DCC: variants seen among roughly 807,000 people sequenced by gnomAD.
The protein encoded by DCC is DCC netrin 1 receptor.
In DCC, 58 loss-of-function variants were observed where a neutral mutation model predicts 172.5. The observed-to-expected ratio is 0.34, with a 90% CI of 0.27 to 0.42. DCC has a LOEUF of 0.42. DCC is among the 10% of genes least tolerant of loss of function. The pLI is 1.00. For missense variants in DCC, 1,740 were observed against 1,791.0 expected (o/e 0.97, Z 0.51); for synonymous variants, 709 against 644.5 (o/e 1.10, Z -1.52).
At chr18:52,418,305 A>C (rs1324998814) in intron 1 of DCC, among the ~76,000 whole-genome samples, 2 of 152,150 alleles carry the variant, frequency 1.3e-5, no homozygotes, top group Admixed American at 6.5e-5. Context: ...TTACCTAGTA[A>C]AAGCCATGTA....
chr18:53,296,367 G>A (rs909151537), intron 12 of DCC, among the ~76,000 whole-genome samples: 3 of 151,928 alleles, frequency 2.0e-5, no homozygotes, highest in Admixed American at 6.6e-5. Context: ...TAAATATTAT[G>A]TGCCAGCACT....
chr18:52,951,977 A>T (rs1160835701), intron 5 of DCC, among the ~76,000 whole-genome samples: 2 of 152,198 alleles, frequency 1.3e-5, no homozygotes, highest in African/African-American at 2.4e-5. Context: ...TTCAATGAAG[A>T]TGTGCACATT....
At chr18:52,366,812 C>G (rs1984882070) in intron 1 of DCC, among the ~76,000 whole-genome samples, 1 of 152,250 alleles carries the variant, frequency 6.6e-6, no homozygotes, top group South Asian at 2.1e-4. Flanking sequence ...TCCACCTCCC[C>G]ACCAGACTCA....
chr18:53,251,255 C>G (rs1186396469), intron 12 of DCC, among the ~76,000 whole-genome samples: 1 of 151,996 alleles, frequency 6.6e-6, no homozygotes, highest in East Asian at 1.9e-4. Flanking sequence ...TGCTTACAAA[C>G]AGCCTCATCT....
rs1272117399 is a variant in DCC at position 53,185,730 on chromosome 18, T to C, written c.1573+6614T>C. 2.6e-5 allele frequency among the ~76,000 whole-genome samples: 4 copies of C among 152,258 alleles called. No individual in the cohort carries two copies. In the East Asian group the frequency reaches 7.7e-4, roughly 29 times the overall value. On this transcript the variant is annotated intron_variant, in intron 9 of 28. Coordinates refer to ENST00000442544, the MANE Select transcript of DCC (RefSeq NM_005215.4). The stretch of plus-strand genomic sequence containing the variant: ...CGAGGATACAAATGCAAGTCAGAAA[T>C]GGTCCTAACTTTCAAGGAACTGGTA...
At chr18:53,157,986 T>C (rs113845475) in intron 8 of DCC, among the ~76,000 whole-genome samples, 1,763 of 152,278 alleles carry the variant, frequency 0.012, 44 homozygotes, top group African/African-American at 0.04. Context: ...ATTGGATTGT[T>C]TGTAATGCAA....
chr18:53,097,948 A>T (rs1568303170), intron 7 of DCC, among the ~76,000 whole-genome samples: 1 of 152,038 alleles, frequency 6.6e-6, no homozygotes, highest in Non-Finnish European at 1.5e-5. Flanking sequence ...ATACAGTCAC[A>T]TTGGGGGTTA....
chr18:53,338,085 G>A (rs1162865589), intron 14 of DCC, among the ~76,000 whole-genome samples: 2 of 152,134 alleles, frequency 1.3e-5, no homozygotes, highest in Non-Finnish European at 2.9e-5. Context: ...ACATATCTTT[G>A]CATAATACTT....
At chr18:52,418,861 T>C (rs1054204435) in intron 1 of DCC, among the ~76,000 whole-genome samples, 30 of 73,600 alleles carry the variant, frequency 4.1e-4, no homozygotes, top group Non-Finnish European at 4.9e-4. Flanking sequence ...TTTCTTTCTT[T>C]TTTTTTTTTT....
At chr18:52,598,029 G>A (rs985137668) in intron 1 of DCC, among the ~76,000 whole-genome samples, 4 of 152,152 alleles carry the variant, frequency 2.6e-5, no homozygotes, top group Admixed American at 6.6e-5. Context: ...ATGTTAGGCA[G>A]TATAACGTTG....
intron 1 of DCC, among the ~76,000 whole-genome samples, chr18:52,694,853 A>T (rs2145020236): frequency 6.6e-6 from 1 of 152,298 alleles, no homozygotes; most frequent in Admixed American, 6.5e-5. Context: ...TAAGTTTCTA[A>T]TTGTAACACT....
At chr18:52,966,666 G>A (rs533214496) in intron 5 of DCC, among the ~76,000 whole-genome samples, 1 of 152,258 alleles carries the variant, frequency 6.6e-6, no homozygotes, top group Non-Finnish European at 1.5e-5. Context: ...CTTGAGTACA[G>A]CTATGTTAGG....
chr18:53,022,449 G>A (rs893053584), intron 5 of DCC, among the ~76,000 whole-genome samples: 4 of 151,656 alleles, frequency 2.6e-5, no homozygotes, highest in Non-Finnish European at 5.9e-5. Context: ...TAAAACAATG[G>A]CAGGAACATA....
chr18:52,497,280 A>AAAAATAT (rs1555689730), intron 1 of DCC, among the ~76,000 whole-genome samples: 12 of 21,554 alleles, frequency 5.6e-4, no homozygotes, highest in Non-Finnish European at 8.5e-4. Flanking sequence ...AAAAAAAAAA[A>AAAAATAT]ATATATATAT....
intron 5 of DCC, among the ~76,000 whole-genome samples, chr18:52,960,907 A>G: frequency 6.6e-6 from 1 of 152,126 alleles, no homozygotes; most frequent in East Asian, 1.9e-4. Context: ...ATATTTTTGT[A>G]GTAAGACTAA....
intron 2 of DCC, among the ~76,000 whole-genome samples, chr18:52,773,554 T>G (rs998078252): frequency 6.6e-6 from 1 of 150,556 alleles, no homozygotes; most frequent in African/African-American, 2.5e-5. Context: ...TGAGACAGAG[T>G]CTCGCTGTGT....
At chr18:53,223,116 A>C (rs2055969110) in intron 12 of DCC, among the ~76,000 whole-genome samples, 2 of 152,264 alleles carry the variant, frequency 1.3e-5, no homozygotes, top group South Asian at 4.1e-4. Context: ...AGTTAGAGAC[A>C]TGATTAAATC....
At chr18:53,116,772 T>C (rs962160303) in intron 7 of DCC, among the ~76,000 whole-genome samples, 2 of 151,856 alleles carry the variant, frequency 1.3e-5, no homozygotes, top group African/African-American at 2.4e-5. Flanking sequence ...TCGATTTCAA[T>C]TGAATATTTC....
chr18:52,500,114 T>C (rs1243917829), intron 1 of DCC, among the ~76,000 whole-genome samples: 1 of 111,986 alleles, frequency 8.9e-6, no homozygotes, highest in African/African-American at 3.0e-5. Context: ...TTTTCACTAG[T>C]TTTTTTTTTT....
Sources: allele counts gnomAD v4.1 joint callset (sites outside exome capture counted in the v4.1 genomes callset), GRCh38; gene constraint gnomAD v4.1.1; transcripts MANE v1.5; gene names NCBI Gene and HGNC (gene_info 2026-07-23, HGNC 2026-07-21).